The following SHANK2 variants were observed in gnomAD, a reference collection of about 807,000 sequenced individuals.
SHANK2 encodes SH3 and multiple ankyrin repeat domains 2, also known as SH3 and multiple ankyrin repeat domains protein 2.
Under a neutral mutation model 133.7 loss-of-function variants are expected in SHANK2, and 43 were observed. That is an observed-to-expected ratio of 0.32 (90% CI 0.25 to 0.41). SHANK2 has a LOEUF of 0.41. SHANK2 is among the 10% of genes least tolerant of loss of function. The pLI is 1.00. For synonymous variants in SHANK2, 1,017 were observed against 952.8 expected (o/e 1.07, Z -1.24); for missense variants, 1,994 against 2,235.8 (o/e 0.89, Z 2.18).
chr11:70,486,396 C>T lies in SHANK2; in HGVS notation c.3897G>A (p.Leu1299=), dbSNP rs1555153563. 6.2e-7 allele frequency: 1 copy of T among 1,614,032 alleles called. No homozygotes were observed. The highest frequency in any genetic ancestry group is 8.5e-7 in the Non-Finnish European group (1 of 1,180,020). Reference sequence around the variant, plus strand: ...GCTGGGACGTGTCCATGATGTCGATCAGCATGTTCTTCTTGTCATCGCCTT... The same window carrying T: ...GCTGGGACGTGTCCATGATGTCGATTAGCATGTTCTTCTTGTCATCGCCTT... ...DRKGDDKKNM[L]IDIMDTSQQK... The change falls in exon 25 of 26, where the codon CTG becomes CTA. Residue 1299 remains leucine (L), a synonymous_variant. Coordinates refer to ENST00000601538, the MANE Select transcript of SHANK2 (RefSeq NM_012309.5). The surrounding 1 kb of genome is among the most constrained non-coding windows in gnomAD (Gnocchi z 8.0).
chr11:70,511,608 C>G (rs1229806687), intron 17 of SHANK2, among the ~76,000 whole-genome samples: 1 of 152,178 alleles, frequency 6.6e-6, no homozygotes, highest in African/African-American at 2.4e-5. Flanking sequence ...TACTGCAGCT[C>G]CTGGGGATAA....
chr11:71,130,816 T>C (rs1952286894), intron 3 of SHANK2, among the ~76,000 whole-genome samples: 1 of 152,224 alleles, frequency 6.6e-6, no homozygotes, highest in African/African-American at 2.4e-5. Context: ...ATTCAGGATC[T>C]GGAGCCAGAA....
intron 1 of SHANK2, among the ~76,000 whole-genome samples, chr11:71,234,983 C>T (rs1954807290): frequency 6.6e-6 from 1 of 152,162 alleles, no homozygotes; most frequent in African/African-American, 2.4e-5. Flanking sequence ...TACCGTACAA[C>T]GGAGTATCTC....
chr11:71,185,133 T>G (rs569807324), intron 2 of SHANK2, among the ~76,000 whole-genome samples: 1 of 152,298 alleles, frequency 6.6e-6, no homozygotes, highest in African/African-American at 2.4e-5. Context: ...CTGAGACCAT[T>G]ATAGGCTACC....
chr11:71,225,890 G>A (rs550166896), intron 1 of SHANK2, among the ~76,000 whole-genome samples: 37 of 152,214 alleles, frequency 2.4e-4, no homozygotes, highest in Non-Finnish European at 4.7e-4. Flanking sequence ...TTGGGAGGCC[G>A]AGGTGTGTGG....
chr11:71,120,629 C>T (rs1475987315), intron 3 of SHANK2, among the ~76,000 whole-genome samples: 9 of 152,318 alleles, frequency 5.9e-5, no homozygotes, highest in Middle Eastern at 3.4e-3. Context: ...GCTCTCAAAG[C>T]TCCCCACAGG....
At chr11:70,530,474 T>C (rs1436636971) in intron 17 of SHANK2, among the ~76,000 whole-genome samples, 1 of 152,146 alleles carries the variant, frequency 6.6e-6, no homozygotes, top group East Asian at 1.9e-4. Context: ...AATTTGAGGC[T>C]GCACTGAGCT....
intron 17 of SHANK2, among the ~76,000 whole-genome samples, chr11:70,553,324 C>T (rs1007837564): frequency 6.6e-6 from 1 of 152,118 alleles, no homozygotes; most frequent in Non-Finnish European, 1.5e-5. Flanking sequence ...AACTCCTGAC[C>T]TCAAATGCTT....
chr11:71,167,359 G>A (rs1350953323), intron 2 of SHANK2, among the ~76,000 whole-genome samples: 1 of 152,026 alleles, frequency 6.6e-6, no homozygotes, highest in Non-Finnish European at 1.5e-5. Context: ...CAGTAGGGGC[G>A]GCCGGGCAGA....
chr11:70,917,179 A>T (rs1379588080), intron 10 of SHANK2, among the ~76,000 whole-genome samples: 1 of 151,990 alleles, frequency 6.6e-6, no homozygotes, highest in Non-Finnish European at 1.5e-5. Flanking sequence ...AAAACAAACA[A>T]CTCCCTTGAA....
chr11:70,497,688 T>G (rs1457260112), intron 21 of SHANK2, among the ~76,000 whole-genome samples: 1 of 152,218 alleles, frequency 6.6e-6, no homozygotes, highest in Non-Finnish European at 1.5e-5. Flanking sequence ...GTTCCCCTGA[T>G]AGGGGGCAGG....
At chr11:70,875,228 T>C (rs989058866) in intron 11 of SHANK2, among the ~76,000 whole-genome samples, 10 of 152,070 alleles carry the variant, frequency 6.6e-5, no homozygotes, top group African/African-American at 2.4e-4. Flanking sequence ...GATGAAGCAA[T>C]AGAAGTGCCC....
rs555018310 is a variant in SHANK2 at position 71,160,647 on chromosome 11, A to G, written c.-12-13309T>C. ...AAAGGTGAGAAAATAAATTTCTGCTAAGTCATCCTATCTATTCTGTTATAG... is the reference window on the plus strand; with the variant it reads ...AAAGGTGAGAAAATAAATTTCTGCTGAGTCATCCTATCTATTCTGTTATAG... On this transcript the variant is annotated intron_variant, in intron 2 of 25. Coordinates refer to ENST00000601538, the MANE Select transcript of SHANK2 (RefSeq NM_012309.5). Among the ~76,000 whole-genome samples the G allele has an allele frequency of 2.0e-5, 3 of 152,354 alleles. No homozygotes were observed. The South Asian group carries it at 6.2e-4, about 32-fold the overall frequency.
chr11:71,129,822 C>T (rs1211127221), intron 3 of SHANK2, among the ~76,000 whole-genome samples: 3 of 152,218 alleles, frequency 2.0e-5, no homozygotes, highest in East Asian at 3.8e-4. Context: ...CTGCCACTTA[C>T]GCTGAGTTAT....
intron 15 of SHANK2, among the ~76,000 whole-genome samples, chr11:70,683,921 T>C (rs1318161732): frequency 6.6e-6 from 1 of 152,014 alleles, no homozygotes; most frequent in Non-Finnish European, 1.5e-5. Context: ...GTAGCTGGGA[T>C]TACAGGCCTA....
chr11:70,695,003 A>G (rs1188577556), intron 15 of SHANK2, among the ~76,000 whole-genome samples: 1 of 152,134 alleles, frequency 6.6e-6, no homozygotes, highest in African/African-American at 2.4e-5. Context: ...CCTCAGGCTA[A>G]CCCTGCACCC....
At chr11:70,512,977 A>G (rs531602648) in intron 17 of SHANK2, among the ~76,000 whole-genome samples, 21 of 125,364 alleles carry the variant, frequency 1.7e-4, no homozygotes, top group Middle Eastern at 4.1e-3. Context: ...TCCTAAGACT[A>G]ACTAACTCTT....
At chr11:70,851,341 AAAG>A (rs1949083966) in intron 11 of SHANK2, among the ~76,000 whole-genome samples, 1 of 152,220 alleles carries the variant, frequency 6.6e-6, no homozygotes, top group South Asian at 2.1e-4. Context: ...GGCTGTCCAC[AAAG>A]AAGAAGGTTT....
At chr11:70,937,585 G>C (rs1452662837) in intron 10 of SHANK2, among the ~76,000 whole-genome samples, 22 of 152,196 alleles carry the variant, frequency 1.4e-4, no homozygotes, top group African/African-American at 5.3e-4. Context: ...GCAAAAGATG[G>C]GGGTGGCCAC....
Sources: gnomAD v4.1 joint callset for allele counts (sites outside exome capture counted in the v4.1 genomes callset) on GRCh38, gnomAD v4.1.1 for gene constraint, Gnocchi (gnomAD v3.1) non-coding constraint, MANE v1.5 for transcripts, NCBI Gene and HGNC (gene_info 2026-07-23, HGNC 2026-07-21) for gene names.